Variants in HDAC9 observed in about 807,000 individuals in gnomAD.
HDAC9 encodes MEF-2 interacting transcription repressor (MITR) protein.
HDAC9 carries 41 observed loss-of-function variants against 139.4 expected under a neutral mutation model. The ratio of observed to expected loss-of-function variants is 0.29; its 90% CI spans 0.23 to 0.38. The LOEUF is 0.38. Ranked by LOEUF, HDAC9 falls within the 10% of genes least tolerant of loss-of-function variation. The pLI, the probability that HDAC9 is intolerant of heterozygous loss-of-function variation, is 1.00. For synonymous variants in HDAC9, 517 were observed against 476.2 expected, an observed-to-expected ratio of 1.09 and a Z score of -1.12; for missense variants, 1,147 against 1,297.0, an observed-to-expected ratio of 0.88 and a Z score of 1.78.
intron 1 of HDAC9, among the ~76,000 whole-genome samples, chr7:18,103,321 A>T (rs2128073529): frequency 6.6e-6 from 1 of 152,290 alleles, no homozygotes; most frequent in East Asian, 1.9e-4. Context: ...TGTGATAGTG[A>T]CATTTTTACT....
intron 1 of HDAC9, among the ~76,000 whole-genome samples, chr7:18,479,324 A>G (rs1435538632): frequency 6.6e-6 from 1 of 152,156 alleles, no homozygotes; most frequent in African/African-American, 2.4e-5. Context: ...GTAGTTTGAT[A>G]CAAAAAATAA....
At chr7:18,508,845 C>T (rs572113198) in intron 2 of HDAC9, among the ~76,000 whole-genome samples, 212 of 152,282 alleles carry the variant, frequency 1.4e-3, no homozygotes, top group Non-Finnish European at 2.5e-3. Flanking sequence ...GTACCTACAA[C>T]GTGCCAGGTA....
At chr7:18,728,455 C>G (rs565456917) in intron 13 of HDAC9, among the ~76,000 whole-genome samples, 28 of 150,954 alleles carry the variant, frequency 1.9e-4, no homozygotes, top group Non-Finnish European at 2.7e-4. Flanking sequence ...ACAAAGGGTG[C>G]TATTCCCTCT....
At chr7:18,636,398 CAT>C (rs1783904841) in intron 8 of HDAC9, among the ~76,000 whole-genome samples, 4 of 140,404 alleles carry the variant, frequency 2.8e-5, no homozygotes, top group Non-Finnish European at 6.3e-5. Flanking sequence ...TAGCCCAAAT[CAT>C]ATAACCTCAA....
chr7:18,474,507 G>A (rs947915942), intron 1 of HDAC9, among the ~76,000 whole-genome samples: 2 of 152,110 alleles, frequency 1.3e-5, no homozygotes, highest in Non-Finnish European at 2.9e-5. Flanking sequence ...TTCTTTATTT[G>A]TACATATTTT....
chr7:18,186,580 A>C (rs928501606), intron 2 of HDAC9, among the ~76,000 whole-genome samples: 1 of 152,338 alleles, frequency 6.6e-6, no homozygotes, highest in African/African-American at 2.4e-5. Context: ...CTGGATTAAC[A>C]TGAAGTGGCT....
At chr7:18,931,797 AG>A (rs1563066086) in intron 22 of HDAC9, among the ~76,000 whole-genome samples, 1 of 152,194 alleles carries the variant, frequency 6.6e-6, no homozygotes, top group African/African-American at 2.4e-5. Context: ...TTCAAACTAA[AG>A]ACTATGACAA....
At chr7:18,195,940 G>A (rs1241427555) in intron 2 of HDAC9, among the ~76,000 whole-genome samples, 1 of 151,952 alleles carries the variant, frequency 6.6e-6, no homozygotes, top group African/African-American at 2.4e-5. Flanking sequence ...TCTTCCTCCT[G>A]TTAATTTATC....
At chr7:18,103,499 C>T (rs1163177036) in intron 1 of HDAC9, among the ~76,000 whole-genome samples, 1 of 152,104 alleles carries the variant, frequency 6.6e-6, no homozygotes, top group Non-Finnish European at 1.5e-5. Flanking sequence ...TCTGGCTCCT[C>T]CCTTTTGGAG....
At chr7:18,982,916 G>A (rs1246068616) in intron 25 of HDAC9, among the ~76,000 whole-genome samples, 1 of 152,048 alleles carries the variant, frequency 6.6e-6, no homozygotes, top group Non-Finnish European at 1.5e-5. Flanking sequence ...TACACTTTGA[G>A]GGCTATTATG....
chr7:18,362,027 C>A (rs1302610520), intron 1 of HDAC9, among the ~76,000 whole-genome samples: 6 of 152,180 alleles, frequency 3.9e-5, no homozygotes, highest in Non-Finnish European at 8.8e-5. Flanking sequence ...TACTGCTTTC[C>A]CTGCTCCTAA....
At chr7:18,833,684 G>A (rs1001323800) in intron 19 of HDAC9, among the ~76,000 whole-genome samples, 4 of 152,086 alleles carry the variant, frequency 2.6e-5, no homozygotes, top group East Asian at 1.9e-4. Flanking sequence ...TCCTGATGAT[G>A]TATGTCTTTA....
intron 1 of HDAC9, among the ~76,000 whole-genome samples, chr7:18,303,585 G>T (rs1195465995): frequency 6.6e-6 from 1 of 152,124 alleles, no homozygotes; most frequent in African/African-American, 2.4e-5. Context: ...AAGCATAGGT[G>T]CTGGAGTCCA....
chr7:18,646,464 T>C (rs1465377929), intron 9 of HDAC9, among the ~76,000 whole-genome samples: 2 of 152,178 alleles, frequency 1.3e-5, no homozygotes, highest in African/African-American at 2.4e-5. Context: ...AATTAATTTT[T>C]CAAGTTTAGC....
chr7:18,959,628 C>T (rs1783391810), intron 24 of HDAC9, among the ~76,000 whole-genome samples: 1 of 152,170 alleles, frequency 6.6e-6, no homozygotes. Context: ...TGACAATGAG[C>T]AAGCCACTTG....
intron 2 of HDAC9, among the ~76,000 whole-genome samples, chr7:18,224,007 A>G (rs1285182472): frequency 6.6e-6 from 1 of 152,182 alleles, no homozygotes; most frequent in Non-Finnish European, 1.5e-5. Context: ...TATTCAGGAA[A>G]ATAGTATGTC....
chr7:18,965,003 A>T (rs891448320), intron 24 of HDAC9, among the ~76,000 whole-genome samples: 7 of 152,244 alleles, frequency 4.6e-5, no homozygotes, highest in African/African-American at 1.7e-4. Context: ...TCCTGACAGT[A>T]ATAGTATAGC....
intron 2 of HDAC9, among the ~76,000 whole-genome samples, chr7:18,232,485 C>T (rs1438454930): frequency 6.6e-6 from 1 of 152,108 alleles, no homozygotes; most frequent in Admixed American, 6.6e-5. Flanking sequence ...CCTAGTTGGA[C>T]CTAATCACTT....
At chr7:18,821,799 G>A (rs773414575) in intron 17 of HDAC9, among the ~76,000 whole-genome samples, 3 of 152,202 alleles carry the variant, frequency 2.0e-5, no homozygotes, top group Non-Finnish European at 4.4e-5. Flanking sequence ...GTTTTCATCT[G>A]TGCCTCTGCC....
Sources: gnomAD v4.1 joint callset for allele counts (sites outside exome capture counted in the v4.1 genomes callset) on GRCh38, gnomAD v4.1.1 for gene constraint, MANE v1.5 for transcripts, NCBI Gene and HGNC (gene_info 2026-07-23, HGNC 2026-07-21) for gene names.